Variants in SLC22A24 observed in about 807,000 individuals in gnomAD.
SLC22A24 encodes the protein steroid transmembrane transporter SLC22A24.
SLC22A24 carries 53 observed loss-of-function variants against 49.8 expected under a neutral mutation model. The ratio of observed to expected loss-of-function variants is 1.06; its 90% confidence interval spans 0.85 to 1.34. The LOEUF is 1.34. Ranked by LOEUF, SLC22A24 falls within the 40% of genes most tolerant of loss-of-function variation. The pLI, the probability that SLC22A24 is intolerant of heterozygous loss-of-function variation, is 0.00. For missense variants in SLC22A24, 786 were observed against 675.9 expected, an observed-to-expected ratio of 1.16 and a Z score of -1.81; for synonymous variants, 302 against 256.4, an observed-to-expected ratio of 1.18 and a Z score of -1.70.
chr11:63,088,539 ACTC>A (rs2087000956), intron 6 of SLC22A24, among the ~76,000 whole-genome samples: 1 of 151,926 alleles, frequency 6.6e-6, no homozygotes, highest in African/African-American at 2.4e-5. Flanking sequence ...AATGATCCCA[ACTC>A]CTCTCCAGCA....
chr11:63,091,590 A>T (rs1030041600), intron 6 of SLC22A24, among the ~76,000 whole-genome samples: 1 of 152,240 alleles, frequency 6.6e-6, no homozygotes, highest in Admixed American at 6.5e-5. Flanking sequence ...CTGGGATGCA[A>T]GCCTAGTTCA....
chr11:63,095,072 A>G (rs2087045297), intron 6 of SLC22A24, among the ~76,000 whole-genome samples: 1 of 152,192 alleles, frequency 6.6e-6, no homozygotes, highest in Non-Finnish European at 1.5e-5. Context: ...TATGTCCTGA[A>G]TGGTAATGCC....
chr11:63,086,360 G>T (rs970111638), intron 6 of SLC22A24, among the ~76,000 whole-genome samples: 1 of 152,128 alleles, frequency 6.6e-6, no homozygotes, highest in African/African-American at 2.4e-5. Flanking sequence ...CAGCCATAAA[G>T]AGGAACAAGA....
intron 4 of SLC22A24, among the ~76,000 whole-genome samples, chr11:63,108,306 C>G (rs568857063): frequency 8.5e-5 from 13 of 152,256 alleles, no homozygotes; most frequent in African/African-American, 2.6e-4. Flanking sequence ...GGTGGATAAG[C>G]TTTTTGATGT....
At chr11:63,094,550 C>G (rs536238721) in intron 6 of SLC22A24, among the ~76,000 whole-genome samples, 2 of 152,162 alleles carry the variant, frequency 1.3e-5, no homozygotes, top group Non-Finnish European at 2.9e-5. Flanking sequence ...CCTGAGGAAT[C>G]GCCACACTGA....
At chr11:63,112,205 G>T (rs546458461) in intron 4 of SLC22A24, among the ~76,000 whole-genome samples, 6 of 152,128 alleles carry the variant, frequency 3.9e-5, no homozygotes, top group African/African-American at 1.4e-4. Context: ...TTGCACTGTG[G>T]TCTGAGAGAT....
intron 6 of SLC22A24, among the ~76,000 whole-genome samples, chr11:63,088,395 T>TCAACATCAACAC (rs1555045479): frequency 6.6e-6 from 1 of 151,580 alleles, no homozygotes; most frequent in Non-Finnish European, 1.5e-5. Flanking sequence ...AACATCAACA[T>TCAACATCAACAC]AAAGGACTCC....
chr11:63,133,873 TA>T (rs765384298), intron 2 of SLC22A24, among the ~76,000 whole-genome samples: 1 of 152,050 alleles, frequency 6.6e-6, no homozygotes, highest in Non-Finnish European at 1.5e-5. Context: ...TCAAACTCCT[TA>T]CCCCAAGTGA....
At chr11:63,096,235 A>C (rs2087054322) in intron 5 of SLC22A24, 129 bp from the exon 6 acceptor site, 1 of 603,384 alleles carries the variant, frequency 1.7e-6, no homozygotes, top group Non-Finnish European at 3.0e-6. Flanking sequence ...CTAGTGGGGA[A>C]TATGAGCATT....
intron 6 of SLC22A24, among the ~76,000 whole-genome samples, chr11:63,089,502 G>A (rs1415251442): frequency 6.6e-6 from 1 of 152,086 alleles, no homozygotes; most frequent in Non-Finnish European, 1.5e-5. Context: ...TATGAAGAAA[G>A]CGCATCAACT....
intron 4 of SLC22A24, among the ~76,000 whole-genome samples, chr11:63,108,972 A>C (rs1457634906): frequency 1.5e-5 from 2 of 135,940 alleles, no homozygotes; most frequent in Admixed American, 1.5e-4. Flanking sequence ...CATTAGGTAT[A>C]TCTCCCAATG....
Position 63,119,323 on chromosome 11 carries a change from C to A in SLC22A24, c.519G>T (p.Lys173Asn), listed in dbSNP as rs1428896138. ...GGAGGAAACACAATTTGCATATGAT[C>A]TTCCGTCCAACCCTAAGAAATATTA... ...YGHLSDRVGR[K>N]IICKLCFLQL... The change falls in exon 3 of 10, where the codon AAG (lysine) becomes AAT (asparagine). Residue 173 changes from lysine to asparagine, a missense_variant. Physicochemically the swap from Lys to Asn is moderately conservative, Grantham distance 94. Coordinates refer to ENST00000612278, the MANE Select transcript of SLC22A24 (RefSeq NM_001136506.2). 6.5e-7 allele frequency: 1 copy of A among 1,544,418 alleles called. No homozygotes were observed. Among genetic ancestry groups the A allele is most frequent in the Admixed American group, 2.0e-5 (1 of 48,890 alleles).
At position 63,080,001 on chromosome 11, in the gene SLC22A24, C is replaced by T; in HGVS notation, c.1599-1G>A. 2 of 1,526,734 alleles carry T rather than the reference C, an allele frequency of 1.3e-6. No individual in the cohort carries two copies. Among genetic ancestry groups the T allele is most frequent in the South Asian group, 2.4e-5 (2 of 83,468 alleles). The allele number at this position is 1,526,734 out of a possible 1,614,324, so 94.6% of individuals were successfully genotyped here. On this transcript the variant is annotated splice_acceptor_variant, in intron 9 of 9. Coordinates refer to ENST00000612278, the MANE Select transcript of SLC22A24 (RefSeq NM_001136506.2). LOFTEE classifies it high-confidence loss of function. ...CTTTATGTTTCTTGAATCTTTTCTG[C>T]TGAGAAATAGAAATGCAAACAAAAA...
intron 6 of SLC22A24, among the ~76,000 whole-genome samples, chr11:63,087,502 G>A (rs964009288): frequency 4.6e-5 from 7 of 152,182 alleles, no homozygotes; most frequent in Non-Finnish European, 7.3e-5. Flanking sequence ...GGCTCTTTGG[G>A]CAAACACTGG....
chr11:63,125,190 G>A (rs1251645792), intron 2 of SLC22A24, among the ~76,000 whole-genome samples: 1 of 151,830 alleles, frequency 6.6e-6, no homozygotes, highest in South Asian at 2.1e-4. Context: ...TAAGTTCTGA[G>A]GTACCTGTGC....
chr11:63,106,487 A>G (rs1049950814), intron 4 of SLC22A24, among the ~76,000 whole-genome samples: 1 of 152,014 alleles, frequency 6.6e-6, no homozygotes, highest in Admixed American at 6.5e-5. Flanking sequence ...TTCTAGTTCT[A>G]GATCCCTGAG....
intron 6 of SLC22A24, among the ~76,000 whole-genome samples, chr11:63,088,981 C>A (rs995215817): frequency 3.9e-5 from 6 of 152,076 alleles, no homozygotes; most frequent in Non-Finnish European, 2.9e-5. Context: ...GCAGAATGAA[C>A]CAAACTGGAA....
intron 2 of SLC22A24, among the ~76,000 whole-genome samples, chr11:63,124,432 A>C (rs1481554616): frequency 6.6e-6 from 1 of 152,228 alleles, no homozygotes; most frequent in African/African-American, 2.4e-5. Context: ...TAAAGAAGTG[A>C]GCAACATATT....
At chr11:63,140,067 G>GTTTTTTTGGTTT (rs2087403799) in intron 1 of SLC22A24, among the ~76,000 whole-genome samples, 1 of 112,142 alleles carries the variant, frequency 8.9e-6, no homozygotes, top group African/African-American at 3.1e-5. Flanking sequence ...CAGTTTTTTT[G>GTTTTTTTGGTTT]TTTTTTTGTT....
Sources: gnomAD v4.1 joint callset for allele counts (sites outside exome capture counted in the v4.1 genomes callset) on GRCh38, gnomAD v4.1.1 for gene constraint, MANE v1.5 for transcripts, NCBI Gene and HGNC (gene_info 2026-07-23, HGNC 2026-07-21) for gene names.